Variants in MED12 observed in about 807,000 individuals in gnomAD.
MED12 encodes the protein mediator complex subunit 12, also known as mediator of RNA polymerase II transcription subunit 12.
MED12 carries 10 observed loss-of-function variants against 177.7 expected under a neutral mutation model. The observed-to-expected ratio is 0.06, with a 90% CI of 0.03 to 0.10. The LOEUF is 0.10. Among genes scored for constraint, MED12 ranks in the 10% least tolerant of loss-of-function variants. MED12 has a pLI of 1.00. For missense variants in MED12, 867 were observed against 1,780.8 expected (o/e 0.49, Z 9.23); for synonymous variants, 641 against 678.4 (o/e 0.94, Z 0.86).
In MED12 at chrX:71,121,245, A is replaced by G; in HGVS notation, c.736-82A>G. On this transcript the variant is annotated intron_variant, in intron 5 of 44. Transcript: ENST00000374080. ...CAGAATCTGCCTGCCACCTTGCCCC[A>G]GTTGTGGTTCTCTTCATCTTTTCAT... 3 of 1,161,548 alleles carry G rather than the reference A, an allele frequency of 2.6e-6. No homozygotes were observed. In the South Asian group the frequency reaches 5.4e-5, roughly 21 times the overall value.
Position 71,128,994 on chromosome X carries a change from T to C in MED12, c.3476-120T>C, listed in dbSNP as rs1027465653. 1.5e-5 allele frequency: 9 copies of C among 610,615 alleles called. No individual in the cohort carries two copies. The Admixed American group carries it at 2.0e-4, about 14-fold the overall frequency. The allele number at this position is 610,615 out of a possible 1,213,427, so 50.3% of individuals were successfully genotyped here. On this transcript the variant is annotated intron_variant, in intron 24 of 44. Transcript: ENST00000374080. The stretch of plus-strand genomic sequence containing the variant: ...TTATCTTGCTTTTTCTCCTTTCACT[T>C]TACCTCATCTTCTCTCCCATGCCCC...
At chrX:71,120,209 T>C in intron 4 of MED12, 39 bp downstream of exon 4, 1 of 1,174,319 alleles carries the variant, frequency 8.5e-7, no homozygotes, top group East Asian at 3.0e-5. Flanking sequence ...GCTGATGGCT[T>C]CAAGGAGTGA....
At chrX:71,121,242 C>T in intron 5 of MED12, 85 bp from the exon 6 acceptor site, 1 of 1,189,733 alleles carries the variant, frequency 8.4e-7, no homozygotes, top group Admixed American at 2.2e-5. Flanking sequence ...GCCACCTTGC[C>T]CCAGTTGTGG....
chrX:71,132,004 T>TCCTA (rs1159028087), intron 29 of MED12, 69 bp from the exon 30 acceptor site: 5 of 1,013,082 alleles, frequency 4.9e-6, no homozygotes, highest in Non-Finnish European at 7.0e-6. Context: ...CTCCGATCTC[T>TCCTA]CCTACCATCT....
At chrX:71,135,374 G>A (rs2092329432) in intron 36 of MED12, 121 bp downstream of exon 36, 2 of 788,094 alleles carry the variant, frequency 2.5e-6, no homozygotes, top group South Asian at 4.4e-5. Flanking sequence ...AGTCTCTGCC[G>A]GTGAACACCA....
At chrX:71,134,672 C>T in intron 34 of MED12, 41 bp from the exon 35 acceptor site, 1 of 1,207,800 alleles carries the variant, frequency 8.3e-7, no homozygotes, top group East Asian at 3.0e-5. Context: ...TCTATCTTCA[C>T]CTCTTTCTTC....
intron 4 of MED12, 100 bp from the exon 5 acceptor site, chrX:71,120,871 G>C: frequency 9.7e-7 from 1 of 1,026,410 alleles, no homozygotes; most frequent in Non-Finnish European, 1.4e-6. Flanking sequence ...GCCTCCCAAA[G>C]TGCTGGGATT....
At chrX:71,123,488 A>G in intron 11 of MED12, 106 bp from the exon 12 acceptor site, 1 of 1,010,254 alleles carries the variant, frequency 9.9e-7, no homozygotes. Flanking sequence ...AATGAAAGTG[A>G]AAAGCATGGG....
At chrX:71,127,549 G>C (rs2092306395) in intron 21 of MED12, 82 bp downstream of exon 21, 1 of 910,448 alleles carries the variant, frequency 1.1e-6, no homozygotes, top group Non-Finnish European at 1.6e-6. Flanking sequence ...AGGAGAGGAT[G>C]GCCCGGGACC....
chrX:71,135,719 C>T (rs973493775), intron 36 of MED12, among the ~76,000 whole-genome samples: 1 of 111,740 alleles, frequency 8.9e-6, no homozygotes, highest in East Asian at 2.8e-4. Flanking sequence ...TTCATATATA[C>T]ATTCTCTTCA....
chrX:71,131,654 C>T (rs2092317756), intron 29 of MED12, 33 bp downstream of exon 29: 2 of 1,181,569 alleles, frequency 1.7e-6, no homozygotes, highest in Non-Finnish European at 2.3e-6. Context: ...CTTTCCTGTG[C>T]TCACGTTCAG....
rs1381560844 is a variant in MED12, at chrX:71,121,363, G to T, written c.772G>T (p.Val258Leu). The change falls in exon 6 of 45, where the codon GTG (valine) becomes TTG (leucine). Residue 258 changes from valine (V) to leucine (L), a missense_variant. This residue lies in a region of MED12 where 309 missense variants were observed against 556.3 expected (regional missense o/e 0.56). Coordinates refer to ENST00000374080, the MANE Select transcript of MED12 (RefSeq NM_005120.3). ...MLDRHEFLTW[V>L]LECFEKIRPG... is the part of the protein sequence containing the mutation. ...GGACAGACATGAGTTCCTGACCTGG[G>T]TGCTTGAGTGTTTTGAGAAGATCCG... The T allele has an allele frequency of 8.3e-7, 1 of 1,211,881 alleles. No homozygotes were observed. Among genetic ancestry groups the T allele is most frequent in the Admixed American group, 2.2e-5 (1 of 46,035 alleles).
chrX:71,137,815 T>G lies in MED12; in HGVS notation c.5916T>G (p.Pro1972=). 8.3e-7 allele frequency: 1 copy of G among 1,211,553 alleles called. No homozygotes were observed. Among genetic ancestry groups the G allele is most frequent in the East Asian group, 3.0e-5 (1 of 33,827 alleles). The change falls in exon 41 of 45, where the codon CCT becomes CCG. Residue 1972 remains proline (P), a synonymous_variant. Coordinates refer to ENST00000374080, the MANE Select transcript of MED12 (RefSeq NM_005120.3). ...TGCCCCCCAGCTACTCCAGCCAGCCTTACCAGAGCACCCACCCTTCTACCA... is the reference window on the plus strand; with the variant it reads ...TGCCCCCCAGCTACTCCAGCCAGCCGTACCAGAGCACCCACCCTTCTACCA... The part of the protein sequence containing the change: ...TMVPPSYSSQ[P]YQSTHPSTNP...
At position 71,121,621 on chromosome X, in the gene MED12, A is replaced by G. The variant is rs1458066906; in HGVS notation, c.906A>G (p.Thr302=). Residue 302 remains threonine, a synonymous_variant, in exon 7 of 45, where the codon ACA becomes ACG. Coordinates refer to ENST00000374080, the MANE Select transcript of MED12 (RefSeq NM_005120.3). ...YLSRRLAYFC[T]RRLALQLDGV... The stretch of plus-strand genomic sequence containing the variant: ...CCCGCCGGCTTGCCTACTTCTGTAC[A>G]CGGAGACTGGCCCTGCAGCTGGATG... The G allele has an allele frequency of 3.9e-5, 47 of 1,209,895 alleles. No individual in the cohort carries two copies. The highest frequency in any genetic ancestry group is 2.4e-4 in the Admixed American group (11 of 45,751).
rs1569482448 is a variant in MED12 at position 71,137,865 on chromosome X, G to A, written c.5966G>A (p.Arg1989His). The change falls in exon 41 of 45, where the codon CGC (arginine) becomes CAC (histidine). Residue 1989 changes from arginine to histidine, a missense_variant. Coordinates refer to ENST00000374080, the MANE Select transcript of MED12 (RefSeq NM_005120.3). ...STNPTLVDPT[R>H]HLQQRPSGYV... ...AATCCTACTCTTGTAGATCCTACCC[G>A]CCACCTGCAACAGCGGCCCAGTGGC... 1.5e-5 allele frequency: 18 copies of A among 1,209,535 alleles called. No individual in the cohort carries two copies. Among genetic ancestry groups the A allele is most frequent in the Admixed American group, 1.1e-4 (5 of 45,669 alleles).
rs769857818 is a variant in MED12, at chrX:71,140,738, GAGCAGCAGC to G, written c.6159_6167del (p.Gln2074_Gln2076del). The G allele has an allele frequency of 2.5e-6, 3 of 1,208,062 alleles. No individual in the cohort carries two copies. Among genetic ancestry groups the G allele is most frequent in the East Asian group, 3.0e-5 (1 of 33,666 alleles). ...CGTCCGTTCAACAGCCATCCTACCT[GAGCAGCAGC>G]AGCAGCAGCAACAGCAGCAACAGCA... On this transcript the variant is annotated inframe_deletion, in exon 42 of 45. Transcript: ENST00000374080.
At position 71,123,087 on chromosome X, in the gene MED12, T is replaced by C. The variant is rs1202454929; in HGVS notation, c.1486-8T>C. ...CCTTACTCCTCCTTCTCTTCCTTTG[T>C]TCTCCAGATCTCCTCAGATGATGAT... On this transcript the variant is annotated splice_polypyrimidine_tract_variant and splice_region_variant and intron_variant, in intron 10 of 44. Transcript: ENST00000374080. The C allele has an allele frequency of 4.1e-6, 5 of 1,209,655 alleles. No individual in the cohort carries two copies. Among genetic ancestry groups the C allele is most frequent in the Non-Finnish European group, 5.6e-6 (5 of 895,052 alleles).
intron 21 of MED12, 111 bp from the exon 22 acceptor site, chrX:71,127,782 A>T: frequency 6.9e-6 from 4 of 575,592 alleles, no homozygotes; most frequent in Non-Finnish European, 8.8e-6. Flanking sequence ...TTGTCTCAAG[A>T]TCCTTCATCC....
At chrX:71,136,203 C>G in intron 36 of MED12, 78 bp from the exon 37 acceptor site, 2 of 1,138,353 alleles carry the variant, frequency 1.8e-6, no homozygotes, top group Admixed American at 4.4e-5. Context: ...GACTTTCTTT[C>G]TACCCATTCC....
Sources: gnomAD v4.1 joint callset for allele counts (sites outside exome capture counted in the v4.1 genomes callset) on GRCh38, gnomAD v4.1.1 for gene constraint, gnomAD v4.1.1 regional missense constraint, MANE v1.5 for transcripts, NCBI Gene and HGNC (gene_info 2026-07-23, HGNC 2026-07-21) for gene names.